BIVM: variants seen among roughly 807,000 people sequenced by gnomAD.
BIVM encodes the protein basic, immunoglobulin-like variable motif containing.
A neutral mutation model predicts 61.4 loss-of-function variants in BIVM; 31 were observed. The observed-to-expected ratio is 0.51, with a 90% CI of 0.38 to 0.68. BIVM has a LOEUF of 0.68. Ranked by LOEUF, BIVM falls within the 30% of genes least tolerant of loss-of-function variation. The probability of loss-of-function intolerance (pLI) is 0.00; values close to 1 mark genes in which losing one functional copy is unlikely to be tolerated. For synonymous variants in BIVM, 189 were observed against 210.7 expected (o/e 0.90, Z 0.89); for missense variants, 526 against 596.0 (o/e 0.88, Z 1.22).
chr13:102,807,144 A>T lies in BIVM; in HGVS notation c.-122-2A>T. ...TTGATCATTCTTTTTCCTTCCTCTT[A>T]GGAGCTCATTTTGCAGCTCTCAAGC... On this transcript the variant is annotated splice_acceptor_variant, in intron 2 of 10. Coordinates refer to ENST00000257336, the MANE Select transcript of BIVM (RefSeq NM_017693.4). LOFTEE classifies it low-confidence loss of function (5UTR_SPLICE). This position sits in a 1 kb window ranked among gnomAD's most constrained non-coding sequence, Gnocchi z 4.0. The T allele has an allele frequency of 1.0e-6, 1 of 999,594 alleles. No individual in the cohort carries two copies. Among genetic ancestry groups the T allele is most frequent in the Non-Finnish European group, 1.4e-6 (1 of 698,238 alleles). The allele number at this position is 999,594 out of a possible 1,614,324, so 61.9% of individuals were successfully genotyped here.
intron 9 of BIVM, among the ~76,000 whole-genome samples, chr13:102,837,941 G>A (rs1429838109): frequency 6.6e-6 from 1 of 152,054 alleles, no homozygotes; most frequent in Admixed American, 6.5e-5. Flanking sequence ...ACTACATATT[G>A]GATTCAGTGT....
intron 7 of BIVM, 150 bp downstream of exon 7, chr13:102,822,309 T>C: frequency 4.3e-6 from 3 of 697,992 alleles, no homozygotes; most frequent in Non-Finnish European, 6.9e-6. Flanking sequence ...TACTTGCATG[T>C]AATCTGTAGG....
intron 4 of BIVM, 41 bp from the exon 5 acceptor site, chr13:102,820,996 G>C: frequency 1.3e-6 from 2 of 1,569,638 alleles, no homozygotes; most frequent in South Asian, 2.3e-5. Context: ...TGCATATTTT[G>C]TGTTCATTCA....
intron 3 of BIVM, among the ~76,000 whole-genome samples, chr13:102,810,801 GC>G (rs1566446191): frequency 6.6e-6 from 1 of 152,182 alleles, no homozygotes; most frequent in East Asian, 1.9e-4. Context: ...CACGACCATG[GC>G]TTACTGCAGC....
At chr13:102,815,179 C>A (rs1276946618) in intron 3 of BIVM, among the ~76,000 whole-genome samples, 1 of 152,130 alleles carries the variant, frequency 6.6e-6, no homozygotes, top group East Asian at 1.9e-4. Context: ...TGAGTTCCAG[C>A]TGTTCGTAGG....
chr13:102,807,293 G>C lies in BIVM; in HGVS notation c.26G>C (p.Arg9Thr). Residue 9 changes from arginine to threonine, a missense_variant, in exon 3 of 11, where the codon AGG (arginine) becomes ACG (threonine). Physicochemically the swap from Arg to Thr is moderately conservative, Grantham distance 71. Transcript: ENST00000257336. This position sits in a 1 kb window ranked among gnomAD's most constrained non-coding sequence, Gnocchi z 4.0. Reference sequence around the variant, plus strand: ...ATGCCTAACGTTGCAGAAACAGAAAGGTCAAATGATTCTGGAAATGGTGAG... The same window carrying C: ...ATGCCTAACGTTGCAGAAACAGAAACGTCAAATGATTCTGGAAATGGTGAG... MPNVAETE[R>T]SNDSGNGEHK... 1 of 1,610,850 alleles carries C rather than the reference G, an allele frequency of 6.2e-7. No homozygotes were observed. The highest frequency in any genetic ancestry group is 1.1e-5 in the South Asian group (1 of 90,898).
intron 1 of BIVM, among the ~76,000 whole-genome samples, chr13:102,803,742 C>T (rs1878891984): frequency 6.6e-6 from 1 of 151,850 alleles, no homozygotes; most frequent in Admixed American, 6.6e-5. Flanking sequence ...AGCCCACCCC[C>T]ACGACCCCAA....
At chr13:102,827,697 T>C (rs1404859075) in intron 7 of BIVM, among the ~76,000 whole-genome samples, 1 of 152,134 alleles carries the variant, frequency 6.6e-6, no homozygotes, top group East Asian at 1.9e-4. Context: ...GTGCTATGTT[T>C]TATTATGTTT....
At chr13:102,827,005 G>A (rs1312817279) in intron 7 of BIVM, among the ~76,000 whole-genome samples, 1 of 151,976 alleles carries the variant, frequency 6.6e-6, no homozygotes, top group African/African-American at 2.4e-5. Flanking sequence ...ACACTAAAAG[G>A]GCCATGGAGA....
intron 3 of BIVM, among the ~76,000 whole-genome samples, chr13:102,809,800 T>TTG (rs1879357524): frequency 6.6e-6 from 1 of 151,558 alleles, no homozygotes; most frequent in Non-Finnish European, 1.5e-5. Context: ...TTTTTTTTTT[T>TTG]TCTGAGACAG....
intron 9 of BIVM, among the ~76,000 whole-genome samples, chr13:102,836,606 G>T (rs1595366538): frequency 6.6e-6 from 1 of 152,338 alleles, no homozygotes; most frequent in Middle Eastern, 3.4e-3. Flanking sequence ...GAGCCACCAT[G>T]CCTGGCCTTA....
At chr13:102,827,688 T>C (rs1031443627) in intron 7 of BIVM, among the ~76,000 whole-genome samples, 6 of 152,188 alleles carry the variant, frequency 3.9e-5, no homozygotes, top group African/African-American at 1.4e-4. Context: ...ATTTGCTATG[T>C]GCTATGTTTT....
intron 6 of BIVM, 63 bp downstream of exon 6, chr13:102,821,910 A>T: frequency 6.4e-7 from 1 of 1,566,924 alleles, no homozygotes; most frequent in Admixed American, 1.7e-5. Flanking sequence ...AATGATGTAG[A>T]TGTGTGTTGA....
intron 9 of BIVM, among the ~76,000 whole-genome samples, chr13:102,835,280 G>T (rs1008239819): frequency 1.3e-5 from 2 of 152,054 alleles, no homozygotes; most frequent in African/African-American, 4.8e-5. Context: ...GTAATAAGCT[G>T]TGATCGTATC....
intron 3 of BIVM, among the ~76,000 whole-genome samples, chr13:102,815,476 A>G (rs929378029): frequency 3.9e-5 from 6 of 152,170 alleles, no homozygotes; most frequent in African/African-American, 1.4e-4. Context: ...TTTTTACTAG[A>G]TACTTCACTA....
Position 102,839,567 on chromosome 13 carries a change from C to T in BIVM, c.1219-5C>T, listed in dbSNP as rs764770652. ...TTTCTTCAGCCAACATTTTTTTCTT[C>T]TCAGGTTGGGGGAAATTTGCATTGC... On this transcript the variant is annotated splice_polypyrimidine_tract_variant and splice_region_variant and intron_variant, in intron 10 of 10. Transcript: ENST00000257336. The T allele has an allele frequency of 4.4e-6, 7 of 1,607,466 alleles. No homozygotes were observed. The highest frequency in any genetic ancestry group is 3.3e-5 in the South Asian group (3 of 89,910).
At position 102,839,846 on chromosome 13, in the gene BIVM, A is replaced by G. The variant is rs1044681480; in HGVS notation, c.1493A>G (p.Asp498Gly). 1 of 1,611,898 alleles carries G rather than the reference A, an allele frequency of 6.2e-7. No individual in the cohort carries two copies. The highest frequency in any genetic ancestry group is 2.2e-5 in the East Asian group (1 of 44,878). The change falls in exon 11 of 11, where the codon GAT becomes GGT. Residue 498 changes from aspartate (D) to glycine (G), a missense_variant. Coordinates refer to ENST00000257336, the MANE Select transcript of BIVM (RefSeq NM_017693.4). ...AACAGTGGTTACCAGGGTTACAGTGATTACGATGGGAATGATTGACTATGC... is the reference window on the plus strand; with the variant it reads ...AACAGTGGTTACCAGGGTTACAGTGGTTACGATGGGAATGATTGACTATGC... Reference protein sequence around the residue: ...RRNSGYQGYSDYDGND With the variant: ...RRNSGYQGYSGYDGND
At chr13:102,836,447 A>G (rs1019377878) in intron 9 of BIVM, among the ~76,000 whole-genome samples, 1 of 152,116 alleles carries the variant, frequency 6.6e-6, no homozygotes, top group African/African-American at 2.4e-5. Flanking sequence ...TGAGTAGCTG[A>G]GACCACAGAT....
At chr13:102,810,092 A>G (rs1879398075) in intron 3 of BIVM, among the ~76,000 whole-genome samples, 1 of 152,132 alleles carries the variant, frequency 6.6e-6, no homozygotes, top group African/African-American at 2.4e-5. Context: ...ATCTTACAAA[A>G]TAAACTTTGT....
Sources: gnomAD v4.1 joint callset for allele counts (sites outside exome capture counted in the v4.1 genomes callset) on GRCh38, gnomAD v4.1.1 for gene constraint, Gnocchi (gnomAD v3.1) non-coding constraint, MANE v1.5 for transcripts, NCBI Gene and HGNC (gene_info 2026-07-23, HGNC 2026-07-21) for gene names.